The following GOLGA3 variants were observed in gnomAD, a reference collection of about 807,000 sequenced individuals.
GOLGA3 encodes golgin subfamily A member 3.
A neutral mutation model predicts 169.4 loss-of-function variants in GOLGA3; 75 were observed. The ratio of observed to expected loss-of-function variants is 0.44; its 90% confidence interval spans 0.37 to 0.54. GOLGA3 has a LOEUF of 0.54. Among genes scored for constraint, GOLGA3 ranks in the 20% least tolerant of loss-of-function variants. The pLI is 0.00. For missense variants in GOLGA3, 1,899 were observed against 1,930.0 expected (o/e 0.98, Z 0.30); for synonymous variants, 824 against 822.4 (o/e 1.00, Z -0.03).
At chr12:132,787,306 C>T (rs1347499105) in intron 13 of GOLGA3, among the ~76,000 whole-genome samples, 3 of 152,162 alleles carry the variant, frequency 2.0e-5, no homozygotes, top group Non-Finnish European at 2.9e-5. Context: ...TCCAGAGCAT[C>T]AGAGGCACAA....
In GOLGA3 at chr12:132,807,728, G is replaced by A. The variant is rs535345403; in HGVS notation, c.1178+163C>T. On this transcript the variant is annotated intron_variant, in intron 5 of 23. Coordinates refer to ENST00000450791, the MANE Select transcript of GOLGA3 (RefSeq NM_001389683.1). ...CGTGGGCCCGGGAAGCAACATCTCA[G>A]GCCAGGCCCTCTGCCTGCCCTGCCC... 5.9e-5 allele frequency among the ~76,000 whole-genome samples: 9 copies of A among 152,114 alleles called. 1 individual carries two copies. The highest frequency in any genetic ancestry group is 2.2e-4 in the African/African-American group (9 of 41,476).
intron 18 of GOLGA3, 117 bp downstream of exon 18, chr12:132,780,681 C>G: frequency 2.8e-6 from 2 of 703,906 alleles, no homozygotes; most frequent in Non-Finnish European, 2.5e-6. Flanking sequence ...ACAACTGCAA[C>G]ACACCTTTGC....
chr12:132,815,110 C>T (rs905849213), intron 3 of GOLGA3, among the ~76,000 whole-genome samples: 2 of 152,240 alleles, frequency 1.3e-5, no homozygotes, highest in African/African-American at 4.8e-5. Flanking sequence ...AAGAATTTCA[C>T]TGTAAATGTA....
intron 18 of GOLGA3, among the ~76,000 whole-genome samples, chr12:132,778,814 G>A (rs138404241): frequency 6.6e-6 from 1 of 150,880 alleles, no homozygotes; most frequent in Non-Finnish European, 1.5e-5. Context: ...AGAATCACTT[G>A]AACCCGGGAG....
At chr12:132,805,697 G>C (rs575459807) in intron 6 of GOLGA3, among the ~76,000 whole-genome samples, 2 of 152,146 alleles carry the variant, frequency 1.3e-5, no homozygotes, top group Non-Finnish European at 2.9e-5. Flanking sequence ...GGCCCAGGAC[G>C]CACAGGGAGC....
chr12:132,790,368 C>A (rs2136405945), intron 12 of GOLGA3, among the ~76,000 whole-genome samples: 1 of 152,294 alleles, frequency 6.6e-6, no homozygotes, highest in East Asian at 1.9e-4. Flanking sequence ...GCAGCGCTCA[C>A]AACGCTGCTT....
In GOLGA3 at chr12:132,816,830, G is replaced by A. The variant is rs557563447; in HGVS notation, c.134-18C>T. On this transcript the variant is annotated intron_variant, in intron 2 of 23. Transcript: ENST00000450791. Reference sequence around the variant, plus strand: ...CTCGGCACCTGGAAAGACAGAGCACGCTGGACCACCATGGCTTTAACAACA... The same window carrying A: ...CTCGGCACCTGGAAAGACAGAGCACACTGGACCACCATGGCTTTAACAACA... The A allele has an allele frequency of 2.6e-5, 40 of 1,567,088 alleles. No individual in the cohort carries two copies. In the East Asian group the frequency reaches 5.7e-4, roughly 22 times the overall value.
intron 4 of GOLGA3, among the ~76,000 whole-genome samples, chr12:132,812,141 C>G (rs1179845755): frequency 2.7e-5 from 4 of 150,942 alleles, no homozygotes; most frequent in African/African-American, 9.8e-5. Flanking sequence ...TGGGCCAAGA[C>G]TGCACCACTA....
At position 132,772,470 on chromosome 12, in the gene GOLGA3, G is replaced by A. The variant is rs2044940814; in HGVS notation, c.*635C>T. 1 of 151,186 alleles carries A rather than the reference G, an allele frequency of 6.6e-6. No homozygotes were observed. The allele number at this position is 151,186 out of a possible 1,614,324, so 9.4% of individuals were successfully genotyped here. A position where few individuals can be genotyped will look rare whatever the true frequency, so the allele number is the denominator to read the frequency against. On this transcript the variant is annotated 3_prime_UTR_variant, in exon 24 of 24. Coordinates refer to ENST00000450791, the MANE Select transcript of GOLGA3 (RefSeq NM_001389683.1). ...GAGGCAGGAGAATCGCATGAACCTG[G>A]GAGGCGGAGCTTGCAGTGAGCGGAG...
chr12:132,774,383 C>T (rs772554385), intron 22 of GOLGA3, 63 bp from the exon 23 acceptor site: 152 of 1,583,570 alleles, frequency 9.6e-5, no homozygotes, highest in Non-Finnish European at 1.2e-4. Context: ...GTCTCACTAG[C>T]ACAGCTTGTG....
intron 22 of GOLGA3, 128 bp from the exon 23 acceptor site, chr12:132,774,448 T>G (rs1178564907): frequency 7.2e-6 from 7 of 974,540 alleles, no homozygotes; most frequent in Non-Finnish European, 9.2e-6. Context: ...GGGACCGTCC[T>G]GGCCGCCGTG....
chr12:132,803,912 G>A (rs10781651), intron 7 of GOLGA3, among the ~76,000 whole-genome samples: 16,420 of 152,178 alleles, frequency 0.11, 1,767 homozygotes, highest in East Asian at 0.46. Context: ...CTCGGGCTTT[G>A]TCTTCAATCT....
In GOLGA3 at chr12:132,795,921, T is replaced by C. The variant is rs200277700; in HGVS notation, c.2400A>G (p.Glu800=). 8.1e-6 allele frequency: 13 copies of C among 1,614,164 alleles called. No homozygotes were observed. Among genetic ancestry groups the C allele is most frequent in the Middle Eastern group, 1.6e-4 (1 of 6,062 alleles). Residue 800 remains glutamate, a synonymous_variant, in exon 11 of 24, where the codon GAA becomes GAG. Transcript: ENST00000450791. ...TTTCCGACGTTTCCTCGGTACCTTC[T>C]TCCAAGCGTCTTGCTCCTCTGTCAA... ...EELDRGARRL[E]EGTEETSETL...
At chr12:132,788,953 A>C in intron 13 of GOLGA3, 74 bp downstream of exon 13, 11 of 1,014,734 alleles carry the variant, frequency 1.1e-5, no homozygotes, top group South Asian at 3.4e-5. Context: ...CGCCCCAGAC[A>C]CAGGCCCCAC....
At position 132,772,737 on chromosome 12, in the gene GOLGA3, C is replaced by G. The variant is rs1178584526; in HGVS notation, c.*368G>C. On this transcript the variant is annotated 3_prime_UTR_variant, in exon 24 of 24. Coordinates refer to ENST00000450791, the MANE Select transcript of GOLGA3 (RefSeq NM_001389683.1). ...AGAAACTGCAGCCGGCCTGGCCAGG[C>G]GCGGTGCCGCAGACCCTGTCACACA... 1 of 183,710 alleles carries G rather than the reference C, an allele frequency of 5.4e-6. No homozygotes were observed. Among genetic ancestry groups the G allele is most frequent in the Non-Finnish European group, 1.1e-5 (1 of 88,604 alleles). The allele number at this position is 183,710 out of a possible 1,614,324, so 11.4% of individuals were successfully genotyped here.
At chr12:132,807,616 G>A (rs976346966) in intron 5 of GOLGA3, among the ~76,000 whole-genome samples, 2 of 152,174 alleles carry the variant, frequency 1.3e-5, no homozygotes, top group Admixed American at 6.5e-5. Context: ...AAAAGCAGCA[G>A]ACTTGTTATG....
At chr12:132,796,423 C>G in intron 10 of GOLGA3, 116 bp downstream of exon 10, 1 of 1,290,172 alleles carries the variant, frequency 7.8e-7, no homozygotes, top group Non-Finnish European at 1.1e-6. Context: ...AGCCCAACTC[C>G]CACCTGAGCG....
At chr12:132,775,091 G>C (rs2045146537) in intron 22 of GOLGA3, 50 bp downstream of exon 22, 2 of 1,536,578 alleles carry the variant, frequency 1.3e-6, no homozygotes, top group African/African-American at 1.4e-5. Context: ...CTGTCCGAGA[G>C]CATCTACAGC....
chr12:132,807,172 G>A lies in GOLGA3; in HGVS notation c.1290+5C>T, dbSNP rs117642162. On this transcript the variant is annotated splice_donor_5th_base_variant and intron_variant, in intron 6 of 23. Coordinates refer to ENST00000450791, the MANE Select transcript of GOLGA3 (RefSeq NM_001389683.1). ...ACGCTGAGATGTCAGTCGAACGTCC[G>A]TTACCTGACTCGCCTCCAGTGACAA... The A allele has an allele frequency of 0.01, 16,307 of 1,575,598 alleles. 117 individuals are homozygous for A. Among genetic ancestry groups the A allele is most frequent in the Non-Finnish European group, 0.012 (13,756 of 1,151,206 alleles).
Sources: gnomAD v4.1 joint callset for allele counts (sites outside exome capture counted in the v4.1 genomes callset) on GRCh38, gnomAD v4.1.1 for gene constraint, MANE v1.5 for transcripts, NCBI Gene and HGNC (gene_info 2026-07-23, HGNC 2026-07-21) for gene names.